Variants in SYNJ2 observed in about 807,000 individuals in gnomAD.
SYNJ2 encodes synaptojanin 2, also known as polyphosphatidylinositol phosphatase SYNJ2.
In SYNJ2, 116 loss-of-function variants were observed where a neutral mutation model predicts 141.3. The observed-to-expected ratio is 0.82, with a 90% confidence interval of 0.71 to 0.96. SYNJ2 has a LOEUF of 0.96. Among genes scored for constraint, SYNJ2 ranks in the 40% least tolerant of loss-of-function variants. The pLI is 0.00. For missense variants in SYNJ2, 1,873 were observed against 1,934.8 expected (o/e 0.97, Z 0.60); for synonymous variants, 745 against 777.7 (o/e 0.96, Z 0.70).
intron 7 of SYNJ2, among the ~76,000 whole-genome samples, chr6:158,060,228 G>A (rs1000405476): frequency 6.6e-6 from 1 of 152,144 alleles, no homozygotes; most frequent in Non-Finnish European, 1.5e-5. Context: ...TCCTTGGGGG[G>A]CTTTTCCTGG....
intron 2 of SYNJ2, among the ~76,000 whole-genome samples, chr6:158,022,927 T>C (rs954683981): frequency 2.0e-5 from 3 of 152,176 alleles, no homozygotes; most frequent in Non-Finnish European, 2.9e-5. Flanking sequence ...AGCCTGGTGC[T>C]AGGCTCAAGC....
At chr6:157,986,461 G>A (rs577591342) in intron 1 of SYNJ2, among the ~76,000 whole-genome samples, 10 of 152,296 alleles carry the variant, frequency 6.6e-5, no homozygotes, top group African/African-American at 2.4e-4. Flanking sequence ...AGCCTCCTGA[G>A]TAGCTGGGAC....
At chr6:158,065,069 TC>T in intron 11 of SYNJ2, 78 bp downstream of exon 11, 2 of 1,442,002 alleles carry the variant, frequency 1.4e-6, no homozygotes, top group Non-Finnish European at 1.8e-6. Context: ...CTCTGTGCTA[TC>T]CAGAGAGCGG....
intron 3 of SYNJ2, among the ~76,000 whole-genome samples, chr6:158,032,374 G>A (rs548497092): frequency 3.7e-4 from 57 of 152,292 alleles, no homozygotes; most frequent in African/African-American, 1.3e-3. Flanking sequence ...TAAACAAGTA[G>A]GGCACTGTGA....
At position 158,071,195 on chromosome 6, in the gene SYNJ2, A is replaced by T. The variant is rs1287562069; in HGVS notation, c.1941-407A>T. Among the ~76,000 whole-genome samples the T allele has an allele frequency of 6.6e-6, 1 of 152,130 alleles. No individual in the cohort carries two copies. The highest frequency in any genetic ancestry group is 1.5e-5 in the Non-Finnish European group (1 of 68,034). ...GAGACTCTGTCTCAAAATAACAATA[A>T]TAATTTAAAAATGTGTTGATTGCCC... On this transcript the variant is annotated intron_variant, in intron 14 of 26. Coordinates refer to ENST00000355585, the MANE Select transcript of SYNJ2 (RefSeq NM_003898.4). This position sits in a 1 kb window ranked among gnomAD's most constrained non-coding sequence, Gnocchi z 4.3.
intron 4 of SYNJ2, among the ~76,000 whole-genome samples, chr6:158,038,696 T>TG (rs749416605): frequency 4.6e-5 from 7 of 152,026 alleles, no homozygotes; most frequent in African/African-American, 7.2e-5. Flanking sequence ...TGGGTGGGCA[T>TG]GGGGGGCAGT....
rs1206400824 is a variant in SYNJ2 at position 158,096,413 on chromosome 6, C to T, written c.*49C>T. ...TCCTATAGAATGCATACCTTCCTCCCTCTAGACATCCCTCCACCAGAAGAG... is the reference window on the plus strand; with the variant it reads ...TCCTATAGAATGCATACCTTCCTCCTTCTAGACATCCCTCCACCAGAAGAG... On this transcript the variant is annotated 3_prime_UTR_variant, in exon 27 of 27. Transcript: ENST00000355585. 2 of 1,517,146 alleles carry T rather than the reference C, an allele frequency of 1.3e-6. No homozygotes were observed. The highest frequency in any genetic ancestry group is 2.8e-5 in the African/African-American group (2 of 71,974). The allele number at this position is 1,517,146 out of a possible 1,614,324, so 94.0% of individuals were successfully genotyped here.
At chr6:158,008,206 C>A (rs1778142378) in intron 1 of SYNJ2, among the ~76,000 whole-genome samples, 1 of 152,214 alleles carries the variant, frequency 6.6e-6, no homozygotes, top group Non-Finnish European at 1.5e-5. Context: ...CTCCTGACCT[C>A]AGGTGATCCA....
intron 1 of SYNJ2, among the ~76,000 whole-genome samples, chr6:158,010,915 T>C (rs1170255879): frequency 7.0e-6 from 1 of 142,948 alleles, no homozygotes; most frequent in East Asian, 2.1e-4. Context: ...GGCCTCGTGA[T>C]GACAGGGGAC....
intron 24 of SYNJ2, 137 bp from the exon 25 acceptor site, chr6:158,089,702 G>A (rs192877107): frequency 7.9e-4 from 476 of 602,410 alleles, no homozygotes; most frequent in African/African-American, 7.6e-3. Context: ...GGATTGCAGG[G>A]TGTGGTGGAG....
At chr6:158,017,322 C>T (rs1188332208) in intron 2 of SYNJ2, 32 bp downstream of exon 2, 3 of 1,593,932 alleles carry the variant, frequency 1.9e-6, no homozygotes, top group African/African-American at 2.7e-5. Flanking sequence ...GAGCAGGCGC[C>T]AGGCTCCCCG....
intron 3 of SYNJ2, chr6:158,030,356 G>A (rs1454893672): frequency 1.3e-5 from 2 of 152,612 alleles, no homozygotes; most frequent in African/African-American, 2.4e-5. Flanking sequence ...GCTCTGAGAC[G>A]GGACTCGTGA....
chr6:158,029,182 A>C (rs1279740792), intron 3 of SYNJ2, 156 bp downstream of exon 3: 1 of 971,060 alleles, frequency 1.0e-6, no homozygotes, highest in African/African-American at 1.7e-5. Context: ...CAGCACAATG[A>C]GAGGAAAACT....
chr6:157,992,533 G>A (rs1777487863), intron 1 of SYNJ2, among the ~76,000 whole-genome samples: 1 of 151,474 alleles, frequency 6.6e-6, no homozygotes, highest in African/African-American at 2.4e-5. Flanking sequence ...AAGTAGCTGG[G>A]ATTACAGGCA....
At chr6:158,019,504 C>T (rs1339195497) in intron 2 of SYNJ2, among the ~76,000 whole-genome samples, 3 of 152,158 alleles carry the variant, frequency 2.0e-5, no homozygotes, top group African/African-American at 7.2e-5. Context: ...TTAGAGCGAG[C>T]CAGGGTGTCT....
chr6:158,092,956 C>T lies in SYNJ2; in HGVS notation c.3596C>T (p.Ala1199Val). ...TCCGAAGAAGCCCTAAGTGCCGTGGCCCCAAGGGACCTTGAAGCATCCTCT... is the reference window on the plus strand; with the variant it reads ...TCCGAAGAAGCCCTAAGTGCCGTGGTCCCAAGGGACCTTGAAGCATCCTCT... ...GASEEALSAV[A>V]PRDLEASSEP... Residue 1199 changes from alanine to valine, a missense_variant, in exon 26 of 27, where the codon GCC (alanine) becomes GTC (valine). By Grantham distance (64) the Ala-to-Val change is moderately conservative. Coordinates refer to ENST00000355585, the MANE Select transcript of SYNJ2 (RefSeq NM_003898.4). 3 of 1,604,374 alleles carry T rather than the reference C, an allele frequency of 1.9e-6. No homozygotes were observed. The highest frequency in any genetic ancestry group is 2.5e-6 in the Non-Finnish European group (3 of 1,177,488).
In SYNJ2 at chr6:158,076,685, T is replaced by C. The variant is rs2296508; in HGVS notation, c.2352T>C (p.Val784=). 839,584 of 1,613,748 alleles carry C rather than the reference T, an allele frequency of 0.52. 221,709 individuals are homozygous for C. Among genetic ancestry groups the C allele is most frequent in the African/African-American group, 0.71 (53,236 of 74,960 alleles). Residue 784 remains valine, a synonymous_variant, in exon 17 of 27, where the codon GTT becomes GTC. Coordinates refer to ENST00000355585, the MANE Select transcript of SYNJ2 (RefSeq NM_003898.4). ...TTGGACCCACCTACAAGTATGACGT[T>C]GGCTCAGCCGCCTACGATACAAGCG... ...INFGPTYKYD[V]GSAAYDTSDK... is the part of the protein sequence containing the mutation.
In SYNJ2 at chr6:158,033,413, G is replaced by A. The variant is rs750907894; in HGVS notation, c.486-42G>A. ...GCTGTCCAGGCAGCATGTATTGGAGGATGTCAAGTGACTGGAATTGGTGTG... is the reference window on the plus strand; with the variant it reads ...GCTGTCCAGGCAGCATGTATTGGAGAATGTCAAGTGACTGGAATTGGTGTG... On this transcript the variant is annotated intron_variant, in intron 3 of 26. Coordinates refer to ENST00000355585, the MANE Select transcript of SYNJ2 (RefSeq NM_003898.4). 10 of 1,597,110 alleles carry A rather than the reference G, an allele frequency of 6.3e-6. No homozygotes were observed. The Middle Eastern group carries it at 8.3e-4, about 132-fold the overall frequency.
At chr6:158,086,146 G>A (rs1783022513) in intron 22 of SYNJ2, among the ~76,000 whole-genome samples, 1 of 152,160 alleles carries the variant, frequency 6.6e-6, no homozygotes, top group South Asian at 2.1e-4. Flanking sequence ...CCCAGTTCCA[G>A]TCTCCAGGAC....
Sources: gnomAD v4.1 joint callset for allele counts (sites outside exome capture counted in the v4.1 genomes callset) on GRCh38, gnomAD v4.1.1 for gene constraint, Gnocchi (gnomAD v3.1) non-coding constraint, MANE v1.5 for transcripts, NCBI Gene and HGNC (gene_info 2026-07-23, HGNC 2026-07-21) for gene names.